Variants in DIS3L2 observed in about 807,000 individuals in gnomAD.
DIS3L2 encodes DIS3-like exonuclease 2.
A neutral mutation model predicts 97.5 loss-of-function variants in DIS3L2; 34 were observed. That is an observed-to-expected ratio of 0.35 (90% CI 0.27 to 0.46). DIS3L2 has a LOEUF of 0.46. Ranked by LOEUF, DIS3L2 falls within the 20% of genes least tolerant of loss-of-function variation. The pLI, the probability that DIS3L2 is intolerant of heterozygous loss-of-function variation, is 1.00. For missense variants in DIS3L2, 1,038 were observed against 1,146.0 expected (o/e 0.91, Z 1.36); for synonymous variants, 435 against 445.2 (o/e 0.98, Z 0.29).
intron 6 of DIS3L2, among the ~76,000 whole-genome samples, chr2:232,105,339 G>A (rs1697330426): frequency 6.6e-6 from 1 of 152,162 alleles, no homozygotes; most frequent in Admixed American, 6.5e-5. Flanking sequence ...TTAAAAGAGG[G>A]ATTTTTGTTG....
At chr2:232,214,282 T>C (rs568419798) in intron 10 of DIS3L2, among the ~76,000 whole-genome samples, 3 of 152,314 alleles carry the variant, frequency 2.0e-5, no homozygotes, top group East Asian at 3.9e-4. Context: ...CATCCACTTA[T>C]GGAATGTCCA....
At chr2:232,123,454 T>C (rs1223037519) in intron 6 of DIS3L2, among the ~76,000 whole-genome samples, 2 of 152,146 alleles carry the variant, frequency 1.3e-5, no homozygotes, top group African/African-American at 4.8e-5. Context: ...GGTATTATTG[T>C]AATGGCTTCC....
chr2:232,136,828 C>T lies in DIS3L2; in HGVS notation c.950+109C>T, dbSNP rs535428957. ...TAATTATTATTTCTTTATTGAAGCA[C>T]GGTTTCTGGTGTATTTTGGTCCTGA... On this transcript the variant is annotated intron_variant, in intron 8 of 20. Transcript: ENST00000325385. 88 of 1,381,352 alleles carry T rather than the reference C, an allele frequency of 6.4e-5. No homozygotes were observed. The Admixed American group carries it at 1.3e-3, about 21-fold the overall frequency. 85.6% of individuals were successfully genotyped at this position (1,381,352 alleles called of 1,614,324 possible).
chr2:232,112,834 GA>G (rs1419928567), intron 6 of DIS3L2, among the ~76,000 whole-genome samples: 1 of 152,036 alleles, frequency 6.6e-6, no homozygotes, highest in Admixed American at 6.6e-5. Context: ...AAAAGGGAGA[GA>G]AAAAAAGAGG....
chr2:232,066,595 G>T (rs912084745), intron 5 of DIS3L2, among the ~76,000 whole-genome samples: 1 of 151,966 alleles, frequency 6.6e-6, no homozygotes, highest in Non-Finnish European at 1.5e-5. Context: ...AGTGAGTTGG[G>T]AAATGTTTCC....
At chr2:232,141,714 G>T (rs139560932) in intron 8 of DIS3L2, among the ~76,000 whole-genome samples, 1 of 152,168 alleles carries the variant, frequency 6.6e-6, no homozygotes, top group South Asian at 2.1e-4. Context: ...TGGGAAGTAG[G>T]GGGTGGAGGT....
chr2:232,325,419 G>A lies in DIS3L2; in HGVS notation c.1740-4394G>A, dbSNP rs1178362331. Among the ~76,000 whole-genome samples the A allele has an allele frequency of 1.3e-5, 2 of 152,226 alleles. No individual in the cohort carries two copies. Among genetic ancestry groups the A allele is most frequent in the African/African-American group, 2.4e-5 (1 of 41,450 alleles). On this transcript the variant is annotated intron_variant, in intron 14 of 20. Transcript: ENST00000325385. The surrounding 1 kb of genome is among the most constrained non-coding windows in gnomAD (Gnocchi z 4.6). ...TGGGGAGTGTGTACCGTGTGCGGGG[G>A]GCTGGTGGCCTTTCTCTGCTGTCTG... is the stretch of plus-strand genomic sequence containing the variant.
chr2:232,102,676 C>T (rs1697239480), intron 6 of DIS3L2, among the ~76,000 whole-genome samples: 1 of 152,146 alleles, frequency 6.6e-6, no homozygotes, highest in Non-Finnish European at 1.5e-5. Flanking sequence ...CATAATATCA[C>T]TGTTTCAGCT....
downstream of DIS3L2, among the ~76,000 whole-genome samples, chr2:232,339,004 G>T (rs578011112): frequency 3.1e-4 from 47 of 152,358 alleles, no homozygotes; most frequent in East Asian, 3.1e-3. Context: ...CCAGGGCCTG[G>T]CGATGCTCAG....
chr2:232,181,012 G>A (rs1691247424), intron 9 of DIS3L2, among the ~76,000 whole-genome samples: 1 of 68,766 alleles, frequency 1.5e-5, no homozygotes, highest in Non-Finnish European at 2.8e-5. Context: ...GCCTGGTGGT[G>A]ACAAAATCTC....
intron 6 of DIS3L2, among the ~76,000 whole-genome samples, chr2:232,117,364 A>G (rs1697757380): frequency 6.6e-6 from 1 of 152,240 alleles, no homozygotes; most frequent in South Asian, 2.1e-4. Flanking sequence ...AAACCTTCAT[A>G]ATAAATACTT....
intron 5 of DIS3L2, among the ~76,000 whole-genome samples, chr2:232,078,199 A>G (rs1696273941): frequency 6.6e-6 from 1 of 151,686 alleles, no homozygotes; most frequent in Non-Finnish European, 1.5e-5. Context: ...GCGTGCCACT[A>G]CATCTGGCTA....
intron 8 of DIS3L2, among the ~76,000 whole-genome samples, chr2:232,158,941 C>CA (rs199862310): frequency 0.02 from 3,016 of 152,298 alleles, 52 homozygotes; most frequent in Middle Eastern, 0.041. Context: ...GTCTTGTACT[C>CA]ACAGTGTTGA....
Position 232,136,502 on chromosome 2 carries a change from C to A in DIS3L2, c.733C>A (p.Arg245=). 6.2e-7 allele frequency: 1 copy of A among 1,613,958 alleles called. No homozygotes were observed. Among genetic ancestry groups the A allele is most frequent in the Non-Finnish European group, 8.5e-7 (1 of 1,179,920 alleles). The change falls in exon 8 of 21, where the codon CGA becomes AGA. Residue 245 remains arginine, a synonymous_variant. Transcript: ENST00000325385. ...VVYILEKKHS[R]AATGFLKLLA... Reference sequence around the variant, plus strand: ...TTACATCTTGGAGAAAAAACATTCTCGAGCAGCAACCGGCTTCCTCAAACT... The same window carrying A: ...TTACATCTTGGAGAAAAAACATTCTAGAGCAGCAACCGGCTTCCTCAAACT...
At chr2:232,299,954 G>A (rs1009452273) in intron 13 of DIS3L2, 86 bp from the exon 14 acceptor site, 39 of 1,385,874 alleles carry the variant, frequency 2.8e-5, no homozygotes, top group Middle Eastern at 3.6e-4. Flanking sequence ...GTGTGACTTC[G>A]TTTGATTTTA....
chr2:232,098,355 A>T (rs1044816889), intron 6 of DIS3L2, among the ~76,000 whole-genome samples: 15 of 138,698 alleles, frequency 1.1e-4, no homozygotes, highest in African/African-American at 1.6e-4. Flanking sequence ...GAGGTTTCTA[A>T]TTTTTTTTTT....
In DIS3L2 at chr2:232,130,197, A is replaced by T. The variant is rs192675187; in HGVS notation, c.602-422A>T. On this transcript the variant is annotated intron_variant, in intron 6 of 20. Transcript: ENST00000325385. The stretch of plus-strand genomic sequence containing the variant: ...TGTTTGTTATGGCTGGTACCAAAGT[A>T]CTTTTAAAAGTTAACATTTATTATG... 1.9e-3 allele frequency among the ~76,000 whole-genome samples: 294 copies of T among 152,322 alleles called. 1 individual carries two copies. The highest frequency in any genetic ancestry group is 3.7e-3 in the Non-Finnish European group (250 of 68,028).
chr2:232,148,748 C>CTTTTTTTTTTTTTTTTTTTTTTTTT (rs34837114), intron 8 of DIS3L2, among the ~76,000 whole-genome samples: 1 of 98,900 alleles, frequency 1.0e-5, no homozygotes, highest in African/African-American at 3.9e-5. Flanking sequence ...AATTTTCTTT[C>CTTTTTTTTTTTTTTTTTTTTTTTTT]TTTTTTTTTT....
At chr2:232,114,844 A>T (rs1306515670) in intron 6 of DIS3L2, among the ~76,000 whole-genome samples, 1 of 152,176 alleles carries the variant, frequency 6.6e-6, no homozygotes, top group Non-Finnish European at 1.5e-5. Flanking sequence ...AATACCTGAA[A>T]CTGGGTAATT....
Sources: gnomAD v4.1 joint callset for allele counts (sites outside exome capture counted in the v4.1 genomes callset) on GRCh38, gnomAD v4.1.1 for gene constraint, Gnocchi (gnomAD v3.1) non-coding constraint, MANE v1.5 for transcripts, NCBI Gene and HGNC (gene_info 2026-07-23, HGNC 2026-07-21) for gene names.